Variants in ASAP1 observed in about 807,000 individuals in gnomAD.
ASAP1 encodes the protein ArfGAP with SH3 domain, ankyrin repeat and PH domain 1.
In ASAP1, 43 loss-of-function variants were observed where a neutral mutation model predicts 145.2. The ratio of observed to expected loss-of-function variants is 0.30; its 90% CI spans 0.23 to 0.38. ASAP1 has a LOEUF of 0.38. Ranked by LOEUF, ASAP1 falls within the 10% of genes least tolerant of loss-of-function variation. The probability of loss-of-function intolerance (pLI) is 1.00; values close to 1 mark genes in which losing one functional copy is unlikely to be tolerated. For synonymous variants in ASAP1, 546 were observed against 515.5 expected (o/e 1.06, Z -0.80); for missense variants, 1,018 against 1,355.3 (o/e 0.75, Z 3.91).
At chr8:130,418,237 C>A (rs996309126) in intron 1 of ASAP1, among the ~76,000 whole-genome samples, 2 of 152,160 alleles carry the variant, frequency 1.3e-5, no homozygotes, top group Non-Finnish European at 2.9e-5. Flanking sequence ...AATTCACATA[C>A]AATTAATCAC....
chr8:130,160,160 C>T (rs979223584), intron 11 of ASAP1, 196 bp from the exon 12 acceptor site: 57 of 555,630 alleles, frequency 1.0e-4, no homozygotes, highest in East Asian at 1.9e-4. Context: ...AAAGCAAGTC[C>T]GAGGCAGAGC....
intron 1 of ASAP1, among the ~76,000 whole-genome samples, chr8:130,415,092 CA>C (rs1185330720): frequency 6.6e-6 from 1 of 152,206 alleles, no homozygotes; most frequent in Non-Finnish European, 1.5e-5. Flanking sequence ...TAGTGCACAG[CA>C]GGTGCTCAAT....
At chr8:130,190,889 A>G (rs1815090077) in intron 5 of ASAP1, among the ~76,000 whole-genome samples, 2 of 152,112 alleles carry the variant, frequency 1.3e-5, no homozygotes, top group Admixed American at 1.3e-4. Flanking sequence ...GAAGTCAGGT[A>G]ATGTGATGCC....
At chr8:130,418,226 T>C (rs1250248964) in intron 1 of ASAP1, among the ~76,000 whole-genome samples, 1 of 152,254 alleles carries the variant, frequency 6.6e-6, no homozygotes, top group Non-Finnish European at 1.5e-5. Flanking sequence ...TCTTGACTTA[T>C]AATTCACATA....
rs1586608893 is a variant in ASAP1, at chr8:130,214,728, A to T, written c.260-27T>A. ...TAAAAACAAAAAAGAAGAAGAAAGG[A>T]GTCTGAACTATTATTTGCCACAATG... is the stretch of plus-strand genomic sequence containing the variant. On this transcript the variant is annotated intron_variant, in intron 4 of 29. Transcript: ENST00000518721. The T allele has an allele frequency of 2.6e-6, 4 of 1,545,048 alleles. No individual in the cohort carries two copies. In the East Asian group the frequency reaches 6.8e-5, roughly 26 times the overall value.
chr8:130,373,607 G>GGGA (rs1827332544), intron 2 of ASAP1, among the ~76,000 whole-genome samples: 1 of 152,148 alleles, frequency 6.6e-6, no homozygotes, highest in Non-Finnish European at 1.5e-5. Context: ...CCAGCACTTT[G>GGGA]GGAGGCCAAG....
At chr8:130,432,635 T>G (rs1442149386) in intron 1 of ASAP1, among the ~76,000 whole-genome samples, 1 of 152,070 alleles carries the variant, frequency 6.6e-6, no homozygotes, top group African/African-American at 2.4e-5. Context: ...CAACACATCC[T>G]CCCTAAGCTA....
chr8:130,140,170 C>G (rs963819693), intron 13 of ASAP1, among the ~76,000 whole-genome samples: 1 of 151,428 alleles, frequency 6.6e-6, no homozygotes, highest in Non-Finnish European at 1.5e-5. Flanking sequence ...GTAGCTGGGA[C>G]TATGGATGCA....
chr8:130,056,215 C>T (rs1025773328), intron 29 of ASAP1, among the ~76,000 whole-genome samples: 5 of 152,338 alleles, frequency 3.3e-5, no homozygotes, highest in Middle Eastern at 3.4e-3. Flanking sequence ...ATGCTTTATC[C>T]AAGGCCCATA....
intron 3 of ASAP1, among the ~76,000 whole-genome samples, chr8:130,285,819 T>C (rs377057500): frequency 1.3e-5 from 2 of 152,356 alleles, no homozygotes; most frequent in African/African-American, 4.8e-5. Flanking sequence ...TGGTTTCTGA[T>C]GTAACTTTAT....
intron 13 of ASAP1, among the ~76,000 whole-genome samples, chr8:130,144,911 T>A (rs1030381530): frequency 6.6e-6 from 1 of 152,146 alleles, no homozygotes; most frequent in Non-Finnish European, 1.5e-5. Flanking sequence ...AAAATGGAGA[T>A]CTCCAAGAAA....
intron 4 of ASAP1, among the ~76,000 whole-genome samples, chr8:130,224,361 C>T (rs1817468877): frequency 6.6e-6 from 1 of 152,126 alleles, no homozygotes; most frequent in African/African-American, 2.4e-5. Flanking sequence ...GCACTAATCA[C>T]ACTTATAAAA....
At chr8:130,168,296 C>T (rs1003549811) in intron 10 of ASAP1, among the ~76,000 whole-genome samples, 2 of 151,896 alleles carry the variant, frequency 1.3e-5, no homozygotes, top group Non-Finnish European at 2.9e-5. Context: ...GACCTAGACA[C>T]TAAAAAAAGA....
intron 3 of ASAP1, among the ~76,000 whole-genome samples, chr8:130,248,487 G>T (rs1050888158): frequency 3.3e-5 from 5 of 152,134 alleles, no homozygotes; most frequent in Non-Finnish European, 5.9e-5. Context: ...AGATACACTG[G>T]GACCCATCAC....
chr8:130,105,344 A>G (rs990669191), intron 24 of ASAP1, among the ~76,000 whole-genome samples: 4 of 152,232 alleles, frequency 2.6e-5, no homozygotes, highest in Admixed American at 6.5e-5. Context: ...GTTATATGCA[A>G]ATACTGCACC....
chr8:130,396,769 G>T (rs993454832), intron 2 of ASAP1, among the ~76,000 whole-genome samples: 1 of 152,178 alleles, frequency 6.6e-6, no homozygotes, highest in Non-Finnish European at 1.5e-5. Flanking sequence ...TTCAATTTGG[G>T]CTGACAGCCT....
intron 1 of ASAP1, among the ~76,000 whole-genome samples, chr8:130,422,366 T>C (rs1249065708): frequency 1.3e-5 from 2 of 152,222 alleles, no homozygotes; most frequent in South Asian, 4.1e-4. Flanking sequence ...TGATTTAATC[T>C]AATCTAGCCC....
intron 25 of ASAP1, among the ~76,000 whole-genome samples, chr8:130,088,390 G>A (rs1236918310): frequency 1.3e-5 from 2 of 152,004 alleles, no homozygotes; most frequent in African/African-American, 4.8e-5. Flanking sequence ...TTGGCCTCCC[G>A]AGACAAGATT....
At chr8:130,406,601 C>A (rs191432718) in intron 1 of ASAP1, among the ~76,000 whole-genome samples, 149 of 152,152 alleles carry the variant, frequency 9.8e-4, no homozygotes, top group African/African-American at 3.4e-3. Context: ...CCTGCCTCAG[C>A]CTCCCAAGTA....
Sources: allele counts gnomAD v4.1 joint callset (sites outside exome capture counted in the v4.1 genomes callset), GRCh38; gene constraint gnomAD v4.1.1; transcripts MANE v1.5; gene names NCBI Gene and HGNC (gene_info 2026-07-23, HGNC 2026-07-21).